Variants in HORMAD2 observed in about 807,000 individuals in gnomAD.
The protein encoded by HORMAD2 is HORMA domain-containing protein 2.
A neutral mutation model predicts 38.8 loss-of-function variants in HORMAD2; 45 were observed. That is an observed-to-expected ratio of 1.16 (90% CI 0.91 to 1.49). The LOEUF (loss-of-function observed/expected upper bound fraction) is 1.49. Among genes scored for constraint, HORMAD2 ranks in the 40% most tolerant of loss-of-function variants. HORMAD2 has a pLI of 0.00. For synonymous variants in HORMAD2, 126 were observed against 122.8 expected (o/e 1.03, Z -0.17); for missense variants, 338 against 367.0 (o/e 0.92, Z 0.65).
intron 10 of HORMAD2, among the ~76,000 whole-genome samples, chr22:30,160,892 A>G (rs1218579399): frequency 6.6e-6 from 1 of 152,246 alleles, no homozygotes; most frequent in African/African-American, 2.4e-5. Context: ...CATTTCCTGC[A>G]TAAATAATAT....
intron 7 of HORMAD2, among the ~76,000 whole-genome samples, chr22:30,114,014 G>C (rs1434991510): frequency 6.6e-6 from 1 of 152,124 alleles, no homozygotes; most frequent in Non-Finnish European, 1.5e-5. Context: ...TCTTAGTGTA[G>C]TATTTATCAT....
chr22:30,138,835 T>C (rs1030380035), intron 10 of HORMAD2, among the ~76,000 whole-genome samples: 12 of 152,194 alleles, frequency 7.9e-5, no homozygotes, highest in Non-Finnish European at 1.6e-4. Context: ...TATACTGATT[T>C]TGTATTCTAC....
Position 30,176,415 on chromosome 22 carries a change from G to A in HORMAD2, c.*248G>A, listed in dbSNP as rs1265928598. On this transcript the variant is annotated 3_prime_UTR_variant, in exon 11 of 11. Transcript: ENST00000336726. ...ATTACTTCAAAGCTGGGTTAGAGAT[G>A]AGGCACCTTTTATATTATATTTGTA... 1 of 380,398 alleles carries A rather than the reference G, an allele frequency of 2.6e-6. No individual in the cohort carries two copies. Among genetic ancestry groups the A allele is most frequent in the Non-Finnish European group, 4.7e-6 (1 of 210,820 alleles). The allele number at this position is 380,398 out of a possible 1,614,324, so 23.6% of individuals were successfully genotyped here.
At chr22:30,145,077 A>G (rs557158912) in intron 10 of HORMAD2, among the ~76,000 whole-genome samples, 2 of 152,312 alleles carry the variant, frequency 1.3e-5, no homozygotes, top group African/African-American at 4.8e-5. Context: ...TTTAGAAGAT[A>G]TTCTTGAACG....
chr22:30,174,998 C>A (rs983025986), intron 10 of HORMAD2, among the ~76,000 whole-genome samples: 1 of 151,780 alleles, frequency 6.6e-6, no homozygotes, highest in Non-Finnish European at 1.5e-5. Context: ...AATTCAACTG[C>A]TTTCTAAAAC....
At position 30,121,781 on chromosome 22, in the gene HORMAD2, A is replaced by G. The variant is rs775025324; in HGVS notation, c.560A>G (p.Tyr187Cys). 201 of 1,609,850 alleles carry G rather than the reference A, an allele frequency of 1.2e-4. No individual in the cohort carries two copies. Among genetic ancestry groups the G allele is most frequent in the Non-Finnish European group, 1.5e-4 (180 of 1,178,556 alleles). Residue 187 changes from tyrosine (Y) to cysteine (C), a missense_variant, in exon 9 of 11, where the codon TAT becomes TGT. Transcript: ENST00000336726. ...NVVLTMKLHY[Y>C]NAVTPHDYQP... is the part of the protein sequence containing the mutation. ...GTACTTACTATGAAACTCCACTACT[A>G]TAATGCAGGTAGGTAGAGAACTTTA...
chr22:30,114,306 TAA>T (rs1921880950), intron 7 of HORMAD2, among the ~76,000 whole-genome samples: 1 of 152,140 alleles, frequency 6.6e-6, no homozygotes. Context: ...TTTTTATTAC[TAA>T]AAAATTCAGT....
chr22:30,143,225 C>T (rs1924197917), intron 10 of HORMAD2, among the ~76,000 whole-genome samples: 1 of 152,126 alleles, frequency 6.6e-6, no homozygotes, highest in African/African-American at 2.4e-5. Context: ...TGTGCATTTA[C>T]ATTGCCTTTT....
chr22:30,190,733 T>C, the HORMAD2 span, among the ~76,000 whole-genome samples: 7 of 152,360 alleles, frequency 4.6e-5, no homozygotes, highest in South Asian at 1.2e-3. Context: ...TTGGAAACTT[T>C]AATGTGGCCC....
chr22:30,200,118 T>C, the HORMAD2 span, among the ~76,000 whole-genome samples: 1 of 151,928 alleles, frequency 6.6e-6, no homozygotes, highest in Non-Finnish European at 1.5e-5. Flanking sequence ...GGTTTCACCA[T>C]GTCAGCCAGG....
chr22:30,180,317 C>T (rs1202062601), downstream of HORMAD2, among the ~76,000 whole-genome samples: 1 of 152,114 alleles, frequency 6.6e-6, no homozygotes, highest in East Asian at 1.9e-4. Context: ...ACTAGTGGAG[C>T]ATTCCTTGGG....
chr22:30,154,995 A>C (rs1924974990), intron 10 of HORMAD2, among the ~76,000 whole-genome samples: 2 of 151,882 alleles, frequency 1.3e-5, no homozygotes, highest in South Asian at 4.2e-4. Context: ...ACTTGAACCC[A>C]ACAGTTTTAA....
intron 10 of HORMAD2, among the ~76,000 whole-genome samples, chr22:30,131,584 A>C (rs1179017235): frequency 6.6e-6 from 1 of 152,186 alleles, no homozygotes; most frequent in Non-Finnish European, 1.5e-5. Context: ...CTAAAGGCAG[A>C]GAATACTGTT....
Position 30,098,857 on chromosome 22 carries a change from A to C in HORMAD2, c.57A>C (p.Thr19=). ...CITIHKASKE[T]VFPSQITNEH... ...CACCTCCGTTGTTTTTCCAGGAAACAGTTTTCCCATCCCAAATCACTAATG... is the reference window on the plus strand; with the variant it reads ...CACCTCCGTTGTTTTTCCAGGAAACCGTTTTCCCATCCCAAATCACTAATG... Residue 19 remains threonine, a synonymous_variant, in exon 3 of 11, where the codon ACA becomes ACC. Coordinates refer to ENST00000336726, the MANE Select transcript of HORMAD2 (RefSeq NM_152510.4). 6.2e-7 allele frequency: 1 copy of C among 1,609,044 alleles called. No individual in the cohort carries two copies. The highest frequency in any genetic ancestry group is 8.5e-7 in the Non-Finnish European group (1 of 1,178,126).
At chr22:30,088,647 GTTTTATTAA>G (rs1396835601) in intron 1 of HORMAD2, among the ~76,000 whole-genome samples, 1 of 150,848 alleles carries the variant, frequency 6.6e-6, no homozygotes, top group Non-Finnish European at 1.5e-5. Context: ...AGTTTTATTA[GTTTTATTAA>G]TTTTATTAAT....
intron 1 of HORMAD2, among the ~76,000 whole-genome samples, chr22:30,088,107 G>A (rs1350905528): frequency 2.0e-5 from 3 of 150,136 alleles, no homozygotes; most frequent in South Asian, 4.2e-4. Flanking sequence ...ACGTACACAC[G>A]TGTACATATA....
At chr22:30,121,262 T>A (rs1050116427) in intron 8 of HORMAD2, among the ~76,000 whole-genome samples, 1 of 152,212 alleles carries the variant, frequency 6.6e-6, no homozygotes, top group Non-Finnish European at 1.5e-5. Flanking sequence ...ACAAATGAGC[T>A]AACTGACCTA....
chr22:30,157,943 A>G (rs1483857449), intron 10 of HORMAD2, among the ~76,000 whole-genome samples: 1 of 152,248 alleles, frequency 6.6e-6, no homozygotes, highest in African/African-American at 2.4e-5. Flanking sequence ...TGAATTATTA[A>G]CATGTACCAG....
At chr22:30,175,648 C>T (rs551633593) in intron 10 of HORMAD2, among the ~76,000 whole-genome samples, 5 of 152,120 alleles carry the variant, frequency 3.3e-5, no homozygotes, top group South Asian at 4.2e-4. Flanking sequence ...TCTGAACACA[C>T]GATAGAAAAC....
Sources: allele counts gnomAD v4.1 joint callset (sites outside exome capture counted in the v4.1 genomes callset), GRCh38; gene constraint gnomAD v4.1.1; transcripts MANE v1.5; gene names NCBI Gene and HGNC (gene_info 2026-07-23, HGNC 2026-07-21).